The following DAAM1 variants were observed in gnomAD, a reference collection of about 807,000 sequenced individuals.
The protein encoded by DAAM1 is disheveled-associated activator of morphogenesis 1.
In DAAM1, 52 loss-of-function variants were observed where a neutral mutation model predicts 130.0. That is an observed-to-expected ratio of 0.40 (90% CI 0.32 to 0.50). The LOEUF (loss-of-function observed/expected upper bound fraction) is 0.50. DAAM1 is among the 20% of genes least tolerant of loss of function. The pLI is 0.61. For missense variants in DAAM1, 1,134 were observed against 1,303.8 expected (o/e 0.87, Z 2.01); for synonymous variants, 452 against 444.5 (o/e 1.02, Z -0.21).
At chr14:59,233,211 C>T (rs113651926) in intron 1 of DAAM1, among the ~76,000 whole-genome samples, 2,826 of 152,238 alleles carry the variant, frequency 0.019, 46 homozygotes, top group Non-Finnish European at 0.026. Flanking sequence ...GAGGAATCAC[C>T]ATGCTTTATT....
chr14:59,325,704 C>T lies in DAAM1; in HGVS notation c.1030C>T (p.Leu344=), dbSNP rs367859541. The change falls in exon 9 of 25, where the codon CTA becomes TTA. Residue 344 remains leucine (L), a synonymous_variant. Transcript: ENST00000360909. ...TGAAATGCTCCGAAATGAAGATGAA[C>T]TAGAATTTGCCAAAAGATTTGAACT... ...FFEMLRNEDE[L]EFAKRFELVH... The T allele has an allele frequency of 3.1e-6, 5 of 1,613,912 alleles. No homozygotes were observed. In the East Asian group the frequency reaches 6.7e-5, roughly 22 times the overall value.
intron 1 of DAAM1, among the ~76,000 whole-genome samples, chr14:59,260,378 A>G (rs1278545675): frequency 6.6e-6 from 1 of 152,200 alleles, no homozygotes; most frequent in African/African-American, 2.4e-5. Flanking sequence ...TAATCTCTAC[A>G]TTTGTCACAG....
chr14:59,251,138 A>T lies in DAAM1; in HGVS notation c.-37-12303A>T, dbSNP rs186565711. ...TTTATTAAAACATTCCCCTACTAAA[A>T]GACACATGATTCTCTATTACAAGTT... On this transcript the variant is annotated intron_variant, in intron 1 of 24. Transcript: ENST00000360909. Among the ~76,000 whole-genome samples, 178 of 152,326 alleles carry T rather than the reference A, an allele frequency of 1.2e-3. 2 individuals are homozygous for T. The highest frequency in any genetic ancestry group is 1.2e-3 in the Non-Finnish European group (80 of 68,032).
intron 1 of DAAM1, among the ~76,000 whole-genome samples, chr14:59,259,976 G>T (rs1009155070): frequency 6.6e-6 from 1 of 152,132 alleles, no homozygotes; most frequent in Non-Finnish European, 1.5e-5. Context: ...CCCGGGAGGC[G>T]GAGCTTGCAG....
intron 2 of DAAM1, among the ~76,000 whole-genome samples, chr14:59,290,332 A>T (rs935384928): frequency 6.6e-6 from 1 of 152,208 alleles, no homozygotes; most frequent in African/African-American, 2.4e-5. Flanking sequence ...AAGGCTAAAC[A>T]TCTGGACTCT....
chr14:59,272,671 G>T (rs946527023), intron 2 of DAAM1, among the ~76,000 whole-genome samples: 1 of 152,060 alleles, frequency 6.6e-6, no homozygotes, highest in Non-Finnish European at 1.5e-5. Context: ...ATGTATGTAG[G>T]AGAGAGGGAG....
At chr14:59,302,853 C>G (rs1884226936) in intron 3 of DAAM1, among the ~76,000 whole-genome samples, 1 of 152,046 alleles carries the variant, frequency 6.6e-6, no homozygotes, top group South Asian at 2.1e-4. Context: ...GGGGTTTCAC[C>G]ATGTTGGTCA....
intron 2 of DAAM1, chr14:59,263,864 A>G: frequency 1.6e-6 from 1 of 643,510 alleles, no homozygotes; most frequent in East Asian, 2.9e-5. Context: ...ACTACATCCA[A>G]GTGCTTTGCT....
chr14:59,194,516 C>T (rs192829679), intron 1 of DAAM1, among the ~76,000 whole-genome samples: 5 of 152,118 alleles, frequency 3.3e-5, no homozygotes, highest in Admixed American at 1.3e-4. Context: ...GGGTTGAATC[C>T]CTCATCTGAT....
chr14:59,211,096 T>C (rs1888413054), intron 1 of DAAM1, among the ~76,000 whole-genome samples: 1 of 152,210 alleles, frequency 6.6e-6, no homozygotes, highest in South Asian at 2.1e-4. Context: ...GTTTTTCTTT[T>C]AAATGCTTTA....
In DAAM1 at chr14:59,331,374, C is replaced by A. The variant is rs770212276; in HGVS notation, c.1726C>A (p.Pro576Thr). 7 of 1,612,838 alleles carry A rather than the reference C, an allele frequency of 4.3e-6. No homozygotes were observed. The highest frequency in any genetic ancestry group is 5.9e-6 in the Non-Finnish European group (7 of 1,179,768). Residue 576 changes from proline (P) to threonine (T), a missense_variant, in exon 14 of 25, where the codon CCT becomes ACT. Pro to Thr is a conservative substitution (Grantham distance 38, BLOSUM62 -1). Around this residue, in one of 3 missense-constraint regions of DAAM1, gnomAD observed 644 missense variants for 695.9 expected, o/e 0.93. Coordinates refer to ENST00000360909, the MANE Select transcript of DAAM1 (RefSeq NM_001270520.2). The stretch of plus-strand genomic sequence containing the variant: ...TCCCCTCCCTCCAGGTGGCCCTCCT[C>A]CTCCCCCAGGGCCTCCTCCCTTAGG... ...PPPLPPGGPP[P>T]PPGPPPLGAI...
At chr14:59,237,118 T>C (rs921443351) in intron 1 of DAAM1, among the ~76,000 whole-genome samples, 8 of 152,230 alleles carry the variant, frequency 5.3e-5, no homozygotes, top group African/African-American at 1.9e-4. Context: ...AGTTTTAACC[T>C]ACACGTGCTG....
intron 1 of DAAM1, among the ~76,000 whole-genome samples, chr14:59,225,885 A>G (rs758037355): frequency 6.6e-5 from 10 of 152,110 alleles, no homozygotes; most frequent in South Asian, 4.1e-4. Context: ...AGATCATGCT[A>G]TTAAAAATAA....
intron 1 of DAAM1, among the ~76,000 whole-genome samples, chr14:59,251,892 C>A (rs1881658958): frequency 6.6e-6 from 1 of 152,130 alleles, no homozygotes; most frequent in Non-Finnish European, 1.5e-5. Context: ...CTTCTCCTTG[C>A]TGCATCATCA....
chr14:59,226,367 T>G (rs1174634063), intron 1 of DAAM1, among the ~76,000 whole-genome samples: 3 of 152,158 alleles, frequency 2.0e-5, no homozygotes, highest in African/African-American at 7.2e-5. Flanking sequence ...AAACTAAATT[T>G]AAGACAAACA....
At chr14:59,287,066 A>T (rs1883495116) in intron 2 of DAAM1, among the ~76,000 whole-genome samples, 2 of 152,192 alleles carry the variant, frequency 1.3e-5, no homozygotes, top group Admixed American at 1.3e-4. Context: ...ATCCAGCAGC[A>T]CATCAAAAAG....
At chr14:59,273,335 T>C (rs1882812225) in intron 2 of DAAM1, among the ~76,000 whole-genome samples, 1 of 152,240 alleles carries the variant, frequency 6.6e-6, no homozygotes, top group Non-Finnish European at 1.5e-5. Flanking sequence ...AATTATCATT[T>C]ATTTCTGGAT....
chr14:59,344,067 G>T (rs1034364315), intron 16 of DAAM1, among the ~76,000 whole-genome samples: 1 of 152,174 alleles, frequency 6.6e-6, no homozygotes, highest in Admixed American at 6.5e-5. Context: ...GGCAGCGGGG[G>T]AGACAGAAAC....
intron 4 of DAAM1, among the ~76,000 whole-genome samples, chr14:59,319,619 G>A (rs1000008552): frequency 6.6e-6 from 1 of 152,214 alleles, no homozygotes; most frequent in Non-Finnish European, 1.5e-5. Flanking sequence ...TCCATGGATG[G>A]AGGATCCTGG....
Sources: gnomAD v4.1 joint callset for allele counts (sites outside exome capture counted in the v4.1 genomes callset) on GRCh38, gnomAD v4.1.1 for gene constraint, gnomAD v4.1.1 regional missense constraint, MANE v1.5 for transcripts, NCBI Gene and HGNC (gene_info 2026-07-23, HGNC 2026-07-21) for gene names.